CNTN6: variants seen among roughly 807,000 people sequenced by gnomAD.
The protein encoded by CNTN6 is contactin 6.
Under a neutral mutation model 122.8 loss-of-function variants are expected in CNTN6, and 137 were observed. The ratio of observed to expected loss-of-function variants is 1.12; its 90% CI spans 0.97 to 1.29. The LOEUF (loss-of-function observed/expected upper bound fraction) is 1.29, where lower values mean the gene tolerates loss of function less well. Among genes scored for constraint, CNTN6 ranks in the 50% most tolerant of loss-of-function variants. The probability of loss-of-function intolerance (pLI) is 0.00; values close to 1 mark genes in which losing one functional copy is unlikely to be tolerated. For missense variants in CNTN6, 1,634 were observed against 1,223.4 expected (o/e 1.34, Z -5.01); for synonymous variants, 570 against 426.0 (o/e 1.34, Z -4.16).
intron 4 of CNTN6, among the ~76,000 whole-genome samples, chr3:1,277,790 A>G (rs891291561): frequency 1.3e-5 from 2 of 152,216 alleles, no homozygotes; most frequent in Non-Finnish European, 2.9e-5. Context: ...GGAAAGATTT[A>G]TACCTCAGAT....
At chr3:1,295,539 T>C (rs1696063875) in intron 5 of CNTN6, 62 bp from the exon 6 acceptor site, 1 of 1,403,514 alleles carries the variant, frequency 7.1e-7, no homozygotes, top group Non-Finnish European at 9.9e-7. Flanking sequence ...TTTTCAGATA[T>C]GAATGAATGC....
intron 12 of CNTN6, among the ~76,000 whole-genome samples, chr3:1,358,393 G>T (rs930323538): frequency 6.6e-6 from 1 of 151,300 alleles, no homozygotes. Context: ...GAAGCAATTA[G>T]GCTACTCTTC....
chr3:1,104,310 G>GA (rs1308253331), intron 1 of CNTN6, among the ~76,000 whole-genome samples: 1 of 152,000 alleles, frequency 6.6e-6, no homozygotes, highest in Non-Finnish European at 1.5e-5. Flanking sequence ...TAAATAAAAA[G>GA]AAACATATAT....
Position 1,402,319 on chromosome 3 carries a change from T to A in CNTN6, c.2819T>A (p.Ile940Asn), listed in dbSNP as rs1474084517. The A allele has an allele frequency of 6.2e-7, 1 of 1,606,520 alleles. No individual in the cohort carries two copies. The highest frequency in any genetic ancestry group is 2.2e-5 in the East Asian group (1 of 44,736). Residue 940 changes from isoleucine (I) to asparagine (N), a missense_variant and splice_region_variant, in exon 22 of 23, where the codon ATT (isoleucine) becomes AAT (asparagine). Transcript: ENST00000446702. ...ENESEVLGYK[I>N]LYRQNRQSKT... is the part of the protein sequence containing the mutation. ...AACTTGATACCTCATTTTATTCAGA[T>A]TCTGTACCGGCAAAACAGACAGAGT...
At chr3:1,130,604 C>T (rs1371534194) in intron 1 of CNTN6, among the ~76,000 whole-genome samples, 1 of 152,104 alleles carries the variant, frequency 6.6e-6, no homozygotes, top group East Asian at 1.9e-4. Context: ...GATAACAAAC[C>T]TTCACTGGCT....
intron 2 of CNTN6, among the ~76,000 whole-genome samples, chr3:1,212,531 ATATACACACACACATATATATGTG>A (rs1443007211): frequency 6.6e-6 from 1 of 151,402 alleles, no homozygotes; most frequent in African/African-American, 2.4e-5. Flanking sequence ...GTGTGTATAT[ATATACACACACACATATATATGTG>A]TATACACATA....
At chr3:1,152,573 A>G (rs2092870693) in intron 2 of CNTN6, among the ~76,000 whole-genome samples, 1 of 152,214 alleles carries the variant, frequency 6.6e-6, no homozygotes, top group Admixed American at 6.5e-5. Context: ...TGATGTGATT[A>G]ACTGTCACAT....
chr3:1,182,072 A>G (rs1377549539), intron 2 of CNTN6, among the ~76,000 whole-genome samples: 1 of 151,956 alleles, frequency 6.6e-6, no homozygotes, highest in Admixed American at 6.6e-5. Context: ...CTAGGCATTC[A>G]ATATATATTG....
chr3:1,098,040 G>A (rs1342321403), intron 1 of CNTN6, among the ~76,000 whole-genome samples: 1 of 148,704 alleles, frequency 6.7e-6, no homozygotes. Context: ...AATAGAAATG[G>A]TATTTCTGTA....
intron 11 of CNTN6, among the ~76,000 whole-genome samples, chr3:1,348,382 A>G (rs1046702589): frequency 2.0e-5 from 3 of 151,972 alleles, no homozygotes; most frequent in Non-Finnish European, 4.4e-5. Flanking sequence ...GTGTTAAGAT[A>G]TCTATGGTTA....
chr3:1,276,572 TC>T (rs1692403999), intron 4 of CNTN6, among the ~76,000 whole-genome samples: 1 of 152,196 alleles, frequency 6.6e-6, no homozygotes, highest in Non-Finnish European at 1.5e-5. Flanking sequence ...AACACTGGCT[TC>T]TATTCAGTAC....
At chr3:1,300,923 A>G (rs1559757320) in intron 7 of CNTN6, among the ~76,000 whole-genome samples, 1 of 152,140 alleles carries the variant, frequency 6.6e-6, no homozygotes, top group Non-Finnish European at 1.5e-5. Context: ...TTAAAAATAA[A>G]TAAAGCAGTG....
At chr3:1,401,721 A>G (rs1038759613) in intron 21 of CNTN6, among the ~76,000 whole-genome samples, 176 bp downstream of exon 21, 7 of 152,074 alleles carry the variant, frequency 4.6e-5, no homozygotes, top group African/African-American at 1.4e-4. Context: ...TTTACATTCC[A>G]AGGTCCAGTA....
intron 20 of CNTN6, among the ~76,000 whole-genome samples, chr3:1,389,150 C>T (rs201172996): frequency 0.026 from 3,531 of 137,224 alleles, 68 homozygotes; most frequent in South Asian, 0.046. Flanking sequence ...AAAATGTTAA[C>T]GGCAGCCAGA....
At chr3:1,236,698 G>C (rs1309742927) in intron 4 of CNTN6, among the ~76,000 whole-genome samples, 2 of 152,124 alleles carry the variant, frequency 1.3e-5, no homozygotes, top group African/African-American at 4.8e-5. Flanking sequence ...AAAAGATTAT[G>C]CCAGCTCACC....
At chr3:1,342,287 A>T (rs1003744155) in intron 11 of CNTN6, among the ~76,000 whole-genome samples, 2 of 151,892 alleles carry the variant, frequency 1.3e-5, no homozygotes, top group Admixed American at 6.6e-5. Flanking sequence ...GCGCCACCAC[A>T]CCCGGCTAAT....
chr3:1,333,496 A>T (rs2126011699), intron 11 of CNTN6, among the ~76,000 whole-genome samples: 1 of 152,226 alleles, frequency 6.6e-6, no homozygotes, highest in Middle Eastern at 3.4e-3. Context: ...CAGATATAGG[A>T]AAAAAGTTCA....
Position 1,278,425 on chromosome 3 carries a change from T to A in CNTN6, c.371T>A (p.Phe124Tyr), listed in dbSNP as rs1487166162. The stretch of plus-strand genomic sequence containing the variant: ...TTTGTTTTCCAAGATATTGAAGACT[T>A]TGAAACTAAAACAAGAAGCACAGTA... ...AKLQFAYIED[F>Y]ETKTRSTVSV... is the part of the protein sequence containing the mutation. Residue 124 changes from phenylalanine to tyrosine, a missense_variant, in exon 5 of 23, where the codon TTT (phenylalanine) becomes TAT (tyrosine). Coordinates refer to ENST00000446702, the MANE Select transcript of CNTN6 (RefSeq NM_001289080.2). 2 of 1,605,464 alleles carry A rather than the reference T, an allele frequency of 1.2e-6. No homozygotes were observed. Among genetic ancestry groups the A allele is most frequent in the Non-Finnish European group, 1.7e-6 (2 of 1,174,160 alleles).
intron 20 of CNTN6, among the ~76,000 whole-genome samples, chr3:1,387,055 T>C (rs1208645899): frequency 1.3e-5 from 2 of 152,212 alleles, no homozygotes; most frequent in Admixed American, 6.5e-5. Flanking sequence ...CATCATTGAC[T>C]CACAACTTGA....
Sources: allele counts gnomAD v4.1 joint callset (sites outside exome capture counted in the v4.1 genomes callset), GRCh38; gene constraint gnomAD v4.1.1; transcripts MANE v1.5; gene names NCBI Gene and HGNC (gene_info 2026-07-23, HGNC 2026-07-21).